Variants in PTPRD observed in about 807,000 individuals in gnomAD.
PTPRD encodes the protein receptor-type tyrosine-protein phosphatase delta.
A neutral mutation model predicts 214.5 loss-of-function variants in PTPRD; 34 were observed. The ratio of observed to expected loss-of-function variants is 0.16; its 90% CI spans 0.12 to 0.21. The LOEUF is 0.21. PTPRD is among the 10% of genes least tolerant of loss of function. PTPRD has a pLI of 1.00. For synonymous variants in PTPRD, 1,128 were observed against 845.7 expected (o/e 1.33, Z -5.79); for missense variants, 2,545 against 2,398.7 (o/e 1.06, Z -1.27).
At chr9:10,045,676 A>T (rs1205969020) in intron 3 of PTPRD, among the ~76,000 whole-genome samples, 1 of 151,722 alleles carries the variant, frequency 6.6e-6, no homozygotes, top group Non-Finnish European at 1.5e-5. Flanking sequence ...ACTGTATGAT[A>T]ATCATTCCTA....
chr9:9,191,431 G>A (rs977747960), intron 9 of PTPRD, among the ~76,000 whole-genome samples: 3 of 152,094 alleles, frequency 2.0e-5, no homozygotes, highest in African/African-American at 7.2e-5. Flanking sequence ...TCTGGAGCAA[G>A]AGGCACCCCG....
intron 11 of PTPRD, among the ~76,000 whole-genome samples, chr9:8,809,158 A>G (rs2096749755): frequency 2.0e-5 from 3 of 152,076 alleles, no homozygotes; most frequent in African/African-American, 4.8e-5. Flanking sequence ...CCTATACTTC[A>G]TCTATCTCCA....
chr9:8,518,395 G>T lies in PTPRD; in HGVS notation c.996C>A (p.Thr332=), dbSNP rs3763653. 6.2e-7 allele frequency: 1 copy of T among 1,612,726 alleles called. No homozygotes were observed. Among genetic ancestry groups the T allele is most frequent in the South Asian group, 1.1e-5 (1 of 90,998 alleles). The change falls in exon 21 of 46, where the codon ACC becomes ACA. Residue 332 remains threonine, a synonymous_variant. Transcript: ENST00000381196. ...GTGTGATGCTTGTAGCTGTGCTCTC[G>T]GTCACTACAGGAGTTCCTGGAGGTT... is the stretch of plus-strand genomic sequence containing the variant. ...LPKPPGTPVV[T]ESTATSITLT... is the part of the protein sequence containing the mutation.
chr9:9,581,983 A>G (rs192740685), intron 7 of PTPRD, among the ~76,000 whole-genome samples: 105 of 152,296 alleles, frequency 6.9e-4, no homozygotes, highest in Non-Finnish European at 1.2e-3. Context: ...TAATAACTGT[A>G]TATTTTATTG....
intron 39 of PTPRD, among the ~76,000 whole-genome samples, chr9:8,360,094 T>G (rs1433027904): frequency 6.6e-6 from 1 of 152,192 alleles, no homozygotes; most frequent in Admixed American, 6.5e-5. Context: ...AATTCTTAGA[T>G]AAAATGACGA....
intron 3 of PTPRD, among the ~76,000 whole-genome samples, chr9:10,230,925 T>C (rs538142541): frequency 2.3e-4 from 35 of 152,106 alleles, no homozygotes; most frequent in African/African-American, 7.5e-4. Flanking sequence ...CTCTAGGCTA[T>C]CACGTACATT....
chr9:9,671,230 C>T (rs1215042797), intron 7 of PTPRD, among the ~76,000 whole-genome samples: 1 of 152,136 alleles, frequency 6.6e-6, no homozygotes, highest in Admixed American at 6.5e-5. Flanking sequence ...TTTGACTGCT[C>T]TGCTGGATTT....
intron 10 of PTPRD, among the ~76,000 whole-genome samples, chr9:9,073,416 T>A (rs1051383539): frequency 2.0e-5 from 3 of 152,170 alleles, no homozygotes; most frequent in Non-Finnish European, 4.4e-5. Context: ...TATGGCTAGA[T>A]CATGGTACTC....
intron 9 of PTPRD, among the ~76,000 whole-genome samples, chr9:9,203,621 C>G (rs954637754): frequency 1.1e-4 from 16 of 152,056 alleles, no homozygotes; most frequent in African/African-American, 3.9e-4. Flanking sequence ...TTTCCTATTC[C>G]CAAGATTTTC....
At chr9:8,380,316 G>C (rs1321408042) in intron 37 of PTPRD, among the ~76,000 whole-genome samples, 1 of 152,086 alleles carries the variant, frequency 6.6e-6, no homozygotes, top group Non-Finnish European at 1.5e-5. Context: ...AGGTGGTTCT[G>C]AGATTCCAAA....
In PTPRD at chr9:8,617,480, C is replaced by T. The variant is rs1595376403; in HGVS notation, c.352+15837G>A. ...TTCCTGATTACTAGGCTACAATCAA[C>T]ATCAGATATGTCACTTAGATGTCCC... On this transcript the variant is annotated intron_variant, in intron 14 of 45. Transcript: ENST00000381196. Among the ~76,000 whole-genome samples, 7 of 152,108 alleles carry T rather than the reference C, an allele frequency of 4.6e-5. No individual in the cohort carries two copies. The South Asian group carries it at 1.4e-3, about 31-fold the overall frequency.
intron 5 of PTPRD, among the ~76,000 whole-genome samples, chr9:9,856,087 G>C (rs2061500931): frequency 6.6e-6 from 1 of 152,170 alleles, no homozygotes; most frequent in Non-Finnish European, 1.5e-5. Context: ...GGGGAGCTGA[G>C]AAAGGGATAA....
chr9:9,249,981 G>C (rs1399282737), intron 9 of PTPRD, among the ~76,000 whole-genome samples: 2 of 152,150 alleles, frequency 1.3e-5, no homozygotes, highest in East Asian at 3.9e-4. Context: ...AAAAATCCCT[G>C]TAAATGCTTT....
At chr9:10,117,942 A>G (rs1278547053) in intron 3 of PTPRD, among the ~76,000 whole-genome samples, 1 of 152,076 alleles carries the variant, frequency 6.6e-6, no homozygotes, top group African/African-American at 2.4e-5. Flanking sequence ...AATGATTTGT[A>G]GCTAGAGGTA....
At chr9:10,432,578 C>G (rs891487005) in intron 2 of PTPRD, among the ~76,000 whole-genome samples, 4 of 151,996 alleles carry the variant, frequency 2.6e-5, no homozygotes, top group Admixed American at 2.6e-4. Flanking sequence ...TTCTTTCTCT[C>G]AATCCTCACG....
At chr9:9,431,893 C>G (rs149956784) in intron 8 of PTPRD, among the ~76,000 whole-genome samples, 7,454 of 103,158 alleles carry the variant, frequency 0.072, 291 homozygotes, top group Middle Eastern at 0.31. Flanking sequence ...TCACACACCG[C>G]GGCCTGTTGT....
At chr9:9,413,297 G>C (rs1042457950) in intron 8 of PTPRD, among the ~76,000 whole-genome samples, 4 of 148,404 alleles carry the variant, frequency 2.7e-5, no homozygotes. Flanking sequence ...TGTATTTTTA[G>C]TAGAGACGGG....
At chr9:10,223,885 T>C (rs922135340) in intron 3 of PTPRD, among the ~76,000 whole-genome samples, 3 of 151,586 alleles carry the variant, frequency 2.0e-5, no homozygotes, top group African/African-American at 7.3e-5. Context: ...ACTTAATCTA[T>C]ACACACTATT....
chr9:9,896,558 G>A (rs1183776762), intron 5 of PTPRD, among the ~76,000 whole-genome samples: 1 of 151,834 alleles, frequency 6.6e-6, no homozygotes, highest in Non-Finnish European at 1.5e-5. Flanking sequence ...TACAATGATT[G>A]GCAAAAGAAC....
Sources: gnomAD v4.1 joint callset for allele counts (sites outside exome capture counted in the v4.1 genomes callset) on GRCh38, gnomAD v4.1.1 for gene constraint, MANE v1.5 for transcripts, NCBI Gene and HGNC (gene_info 2026-07-23, HGNC 2026-07-21) for gene names.